DOCK3: variants seen among roughly 807,000 people sequenced by gnomAD.
The protein encoded by DOCK3 is dedicator of cytokinesis protein 3.
In DOCK3, 60 loss-of-function variants were observed where a neutral mutation model predicts 265.6. The observed-to-expected ratio is 0.23, with a 90% confidence interval of 0.18 to 0.28. The LOEUF is 0.28. Ranked by LOEUF, DOCK3 falls within the 10% of genes least tolerant of loss-of-function variation. The pLI is 1.00. For missense variants in DOCK3, 1,981 were observed against 2,594.3 expected, an observed-to-expected ratio of 0.76 and a Z score of 5.14; for synonymous variants, 881 against 938.0, an observed-to-expected ratio of 0.94 and a Z score of 1.11.
intron 1 of DOCK3, among the ~76,000 whole-genome samples, chr3:50,713,040 G>A (rs2036869004): frequency 6.6e-6 from 1 of 152,136 alleles, no homozygotes; most frequent in Non-Finnish European, 1.5e-5. Context: ...CCTGGATGGA[G>A]CATCAGGGGA....
chr3:50,699,931 A>G (rs1439644162), intron 1 of DOCK3, among the ~76,000 whole-genome samples: 2 of 152,212 alleles, frequency 1.3e-5, no homozygotes, highest in African/African-American at 2.4e-5. Flanking sequence ...AAATTAGGAT[A>G]TGTAAGATAT....
chr3:51,277,054 C>T (rs2080854812), intron 25 of DOCK3, among the ~76,000 whole-genome samples: 1 of 152,130 alleles, frequency 6.6e-6, no homozygotes, highest in Non-Finnish European at 1.5e-5. Flanking sequence ...GAAGTGGACC[C>T]AGGCATATCT....
intron 6 of DOCK3, among the ~76,000 whole-genome samples, chr3:51,070,948 A>G (rs770970823): frequency 1.3e-5 from 2 of 152,092 alleles, no homozygotes; most frequent in African/African-American, 2.4e-5. Flanking sequence ...AAACTGTCCT[A>G]ACCCCTGCAC....
At chr3:50,713,868 G>A (rs971349779) in intron 1 of DOCK3, among the ~76,000 whole-genome samples, 2 of 152,134 alleles carry the variant, frequency 1.3e-5, no homozygotes, top group Non-Finnish European at 2.9e-5. Flanking sequence ...TCCATATTCA[G>A]TTAGTCACCA....
intron 27 of DOCK3, among the ~76,000 whole-genome samples, chr3:51,301,882 T>A (rs1439867491): frequency 6.6e-6 from 1 of 152,206 alleles, no homozygotes; most frequent in East Asian, 1.9e-4. Flanking sequence ...AAGTGCCATG[T>A]GGTGCCAAGA....
chr3:50,776,021 A>G (rs776333280), intron 1 of DOCK3, among the ~76,000 whole-genome samples: 2 of 152,106 alleles, frequency 1.3e-5, no homozygotes, highest in African/African-American at 4.8e-5. Flanking sequence ...TGTCTTTGCA[A>G]TTGTGTGAAT....
intron 1 of DOCK3, among the ~76,000 whole-genome samples, chr3:50,704,979 C>T (rs999657958): frequency 2.6e-5 from 4 of 150,996 alleles, no homozygotes; most frequent in African/African-American, 9.7e-5. Context: ...AAGGTTGTCA[C>T]TGATAGTTGA....
intron 12 of DOCK3, among the ~76,000 whole-genome samples, chr3:51,195,247 GCTTTGTTTCTGTCATT>G (rs1344314786): frequency 6.6e-6 from 1 of 152,036 alleles, no homozygotes; most frequent in Non-Finnish European, 1.5e-5. Flanking sequence ...GATATGTGGT[GCTTTGTTTCTGTCATT>G]TATTAATTGT....
intron 32 of DOCK3, among the ~76,000 whole-genome samples, chr3:51,328,057 A>G (rs555432582): frequency 1.3e-5 from 2 of 152,202 alleles, no homozygotes; most frequent in Non-Finnish European, 2.9e-5. Flanking sequence ...AAGATTCATT[A>G]AAGCACAACT....
chr3:50,896,008 T>G (rs2048877085), intron 4 of DOCK3, among the ~76,000 whole-genome samples: 1 of 152,206 alleles, frequency 6.6e-6, no homozygotes, highest in African/African-American at 2.4e-5. Flanking sequence ...TATAGTAGAA[T>G]GATTTATAAT....
rs368819970 is a variant in DOCK3 at position 50,925,824 on chromosome 3, C to CTTTTTTTTTTTTTTTTTT, written c.219-8150_219-8133dup. On this transcript the variant is annotated intron_variant, in intron 4 of 52. Transcript: ENST00000266037. Reference sequence around the variant, plus strand: ...TCAGCAGCTACTAGGTAAAACTAGTCTTTTTTTTTTTTTTTTTTTTTTTTG... The same window carrying CTTTTTTTTTTTTTTTTTT: ...TCAGCAGCTACTAGGTAAAACTAGTCTTTTTTTTTTTTTTTTTTTTTTTTTTTTTTTTTTTTTTTTTTG... Among the ~76,000 whole-genome samples, 12 of 88,428 alleles carry CTTTTTTTTTTTTTTTTTT rather than the reference C, an allele frequency of 1.4e-4. 2 individuals carry two copies. The highest frequency in any genetic ancestry group is 6.2e-4 in the African/African-American group (12 of 19,404). 58.0% of individuals were successfully genotyped at this position (88,428 alleles called of 152,430 possible).
At chr3:50,717,680 T>G (rs1022030615) in intron 1 of DOCK3, among the ~76,000 whole-genome samples, 12 of 152,234 alleles carry the variant, frequency 7.9e-5, no homozygotes, top group South Asian at 4.1e-4. Context: ...TGGAGTGCAG[T>G]GGCGCAATCT....
rs572535752 is a variant in DOCK3 at position 51,360,646 on chromosome 3, G to T, written c.5006+14G>T. 3.1e-6 allele frequency: 5 copies of T among 1,613,636 alleles called. No homozygotes were observed. In the South Asian group the frequency reaches 5.5e-5, roughly 18 times the overall value. ...CCACCGGCACAGGTATGGCCTTAGG[G>T]CTGGGGAGGGTTCCCTCTGGAGAGG... On this transcript the variant is annotated intron_variant, in intron 47 of 52. Coordinates refer to ENST00000266037, the MANE Select transcript of DOCK3 (RefSeq NM_004947.5).
intron 12 of DOCK3, among the ~76,000 whole-genome samples, chr3:51,178,990 T>C (rs1194149540): frequency 6.6e-6 from 1 of 152,182 alleles, no homozygotes; most frequent in East Asian, 1.9e-4. Context: ...TAGACCATGC[T>C]TTTAACCACT....
intron 14 of DOCK3, among the ~76,000 whole-genome samples, chr3:51,224,056 A>G (rs2090215597): frequency 6.6e-6 from 1 of 152,222 alleles, no homozygotes; most frequent in Non-Finnish European, 1.5e-5. Flanking sequence ...CCTCCAGGAT[A>G]TCCTACATAT....
intron 1 of DOCK3, among the ~76,000 whole-genome samples, chr3:50,711,400 T>C (rs1322339656): frequency 3.3e-5 from 5 of 151,940 alleles, no homozygotes; most frequent in African/African-American, 9.7e-5. Flanking sequence ...TAGCTGGGAC[T>C]ACAGGTGCCC....
chr3:50,875,408 G>T (rs928280595), intron 3 of DOCK3, among the ~76,000 whole-genome samples: 2 of 151,978 alleles, frequency 1.3e-5, no homozygotes, highest in Non-Finnish European at 2.9e-5. Context: ...ATTTTTCCCT[G>T]TTCCTTCAGT....
At chr3:50,893,889 C>T (rs1419048025) in intron 4 of DOCK3, among the ~76,000 whole-genome samples, 3 of 147,196 alleles carry the variant, frequency 2.0e-5, no homozygotes, top group Non-Finnish European at 4.4e-5. Flanking sequence ...AACCAAACAC[C>T]GTGTGTTCTC....
chr3:50,904,810 TGC>T (rs1372528093), intron 4 of DOCK3, among the ~76,000 whole-genome samples: 3 of 152,006 alleles, frequency 2.0e-5, no homozygotes, highest in African/African-American at 7.3e-5. Context: ...TTGCTTTTGT[TGC>T]CATTGCTTTT....
Sources: gnomAD v4.1 joint callset for allele counts (sites outside exome capture counted in the v4.1 genomes callset) on GRCh38, gnomAD v4.1.1 for gene constraint, MANE v1.5 for transcripts, NCBI Gene and HGNC (gene_info 2026-07-23, HGNC 2026-07-21) for gene names.